Variants in DZANK1 observed in about 807,000 individuals in gnomAD.
DZANK1 encodes double zinc ribbon and ankyrin repeat-containing protein 1.
In DZANK1, 91 loss-of-function variants were observed where a neutral mutation model predicts 94.5. The ratio of observed to expected loss-of-function variants is 0.96; its 90% CI spans 0.81 to 1.15. DZANK1 has a LOEUF of 1.15. DZANK1 is among the 50% of genes most tolerant of loss of function. The probability of loss-of-function intolerance (pLI) is 0.00; values close to 1 mark genes in which losing one functional copy is unlikely to be tolerated. For synonymous variants in DZANK1, 312 were observed against 325.3 expected (o/e 0.96, Z 0.44); for missense variants, 903 against 916.4 (o/e 0.99, Z 0.19).
At chr20:18,457,731 G>C (rs1462470083) in intron 3 of DZANK1, among the ~76,000 whole-genome samples, 1 of 152,146 alleles carries the variant, frequency 6.6e-6, no homozygotes, top group East Asian at 1.9e-4. Context: ...CAATCTTAAA[G>C]TTGAACACAT....
At position 18,455,847 on chromosome 20, in the gene DZANK1, A is replaced by AGAAGCT; in HGVS notation, c.264-487_264-486insAGCTTC. Among the ~76,000 whole-genome samples the AGAAGCT allele has an allele frequency of 2.0e-5, 3 of 152,266 alleles. No homozygotes were observed. The South Asian group carries it at 6.2e-4, about 32-fold the overall frequency. On this transcript the variant is annotated intron_variant, in intron 3 of 20. Transcript: ENST00000262547. ...TGGTTAGCTTGGGCTTCCTCACAGT[A>AGAAGCT]TGGAAGCCTCAGGTAGTCAGACTTC... is the stretch of plus-strand genomic sequence containing the variant.
At chr20:18,426,652 A>G (rs1381327479) in intron 10 of DZANK1, among the ~76,000 whole-genome samples, 1 of 152,212 alleles carries the variant, frequency 6.6e-6, no homozygotes, top group Non-Finnish European at 1.5e-5. Context: ...AAACCCAAGA[A>G]ATAGGTGGCT....
At chr20:18,394,619 C>A in intron 15 of DZANK1, 1 of 634,152 alleles carries the variant, frequency 1.6e-6, no homozygotes, top group Non-Finnish European at 3.0e-6. Context: ...GGGACCATCA[C>A]AATAGCCTTT....
intron 13 of DZANK1, among the ~76,000 whole-genome samples, chr20:18,407,227 C>T (rs1028936050): frequency 2.0e-5 from 3 of 152,200 alleles, no homozygotes; most frequent in Non-Finnish European, 4.4e-5. Context: ...GTGCTTGCAT[C>T]ACCATACCCC....
At chr20:18,446,294 G>A (rs1218451632) in intron 7 of DZANK1, among the ~76,000 whole-genome samples, 1 of 151,930 alleles carries the variant, frequency 6.6e-6, no homozygotes, top group Non-Finnish European at 1.5e-5. Context: ...AGGGAGAGAG[G>A]GTGGGAAGGC....
At chr20:18,385,736 T>TCTTGGGAC (rs2048446378) in intron 19 of DZANK1, among the ~76,000 whole-genome samples, 2 of 152,122 alleles carry the variant, frequency 1.3e-5, no homozygotes, top group African/African-American at 4.8e-5. Context: ...GATAGTAGCT[T>TCTTGGGAC]CTCAGGGCTG....
Position 18,433,852 on chromosome 20 carries a change from G to A in DZANK1, c.748-87C>T, listed in dbSNP as rs149584144. The A allele has an allele frequency of 1.6e-3, 1,895 of 1,166,950 alleles. 24 individuals are homozygous for A. The Admixed American group carries it at 0.027, about 17-fold the overall frequency. 72.3% of individuals were successfully genotyped at this position (1,166,950 alleles called of 1,614,324 possible). On this transcript the variant is annotated intron_variant, in intron 8 of 20. Coordinates refer to ENST00000262547, the Ensembl canonical transcript of DZANK1. ...AGAATGTAAGGTTTGGTCTACAGCCGTACCACCCTGAACATTCCCGATCTC... is the reference window on the plus strand; with the variant it reads ...AGAATGTAAGGTTTGGTCTACAGCCATACCACCCTGAACATTCCCGATCTC...
chr20:18,414,551 T>A, intron 11 of DZANK1, 39 bp from the exon 12 acceptor site: 1 of 1,551,662 alleles, frequency 6.4e-7, no homozygotes. Flanking sequence ...ATTAGAGTTA[T>A]AATTTCCTCA....
chr20:18,458,976 C>T (rs907392521), intron 3 of DZANK1, among the ~76,000 whole-genome samples: 1 of 152,206 alleles, frequency 6.6e-6, no homozygotes, highest in Admixed American at 6.5e-5. Context: ...AGAATAGACA[C>T]TTAGTGGACA....
exon 13 of DZANK1, chr20:18,412,781 T>A (rs745994799): frequency 3.7e-6 from 6 of 1,613,862 alleles, no homozygotes; most frequent in Non-Finnish European, 4.2e-6. Flanking sequence ...ACAGTCTGTG[T>A]TCCTATGTCC....
intron 13 of DZANK1, among the ~76,000 whole-genome samples, chr20:18,408,219 G>A (rs1038411023): frequency 6.6e-6 from 1 of 152,172 alleles, no homozygotes; most frequent in Non-Finnish European, 1.5e-5. Flanking sequence ...GGGAGGCTGA[G>A]GCAGGAGAAT....
intron 6 of DZANK1, among the ~76,000 whole-genome samples, chr20:18,450,361 G>A (rs112480273): frequency 0.024 from 3,662 of 151,912 alleles, 161 homozygotes; most frequent in African/African-American, 0.085. Context: ...AAATAGTCTG[G>A]GCAACATAGT....
At chr20:18,456,528 G>C (rs6111971) in intron 3 of DZANK1, among the ~76,000 whole-genome samples, 3 of 152,172 alleles carry the variant, frequency 2.0e-5, no homozygotes, top group African/African-American at 7.2e-5. Context: ...GAAATATTTA[G>C]GACATTTCCA....
chr20:18,384,360 G>A, exon 21 of DZANK1: 1 of 1,571,934 alleles, frequency 6.4e-7, no homozygotes. Flanking sequence ...TGCCAGCCAT[G>A]CACGTATTCT....
chr20:18,402,647 C>A (rs560553409), intron 13 of DZANK1, among the ~76,000 whole-genome samples: 4 of 152,126 alleles, frequency 2.6e-5, no homozygotes, highest in Non-Finnish European at 5.9e-5. Context: ...TCAAGTCACC[C>A]GCTTGGCCTT....
exon 14 of DZANK1, chr20:18,398,623 T>C: frequency 6.2e-7 from 1 of 1,613,844 alleles, no homozygotes; most frequent in Non-Finnish European, 8.5e-7. Context: ...TCTTCTCCAG[T>C]ACCCTAAGAA....
chr20:18,445,713 C>G (rs181633930), intron 7 of DZANK1, among the ~76,000 whole-genome samples: 2 of 151,996 alleles, frequency 1.3e-5, no homozygotes, highest in Non-Finnish European at 2.9e-5. Context: ...CCAGCCTGGG[C>G]AACTTTGTGA....
At chr20:18,430,934 C>G (rs192754283) in intron 9 of DZANK1, among the ~76,000 whole-genome samples, 381 of 152,024 alleles carry the variant, frequency 2.5e-3, no homozygotes, top group Non-Finnish European at 4.5e-3. Context: ...AAAACCAAAC[C>G]AAACCAAATC....
At chr20:18,424,472 AAAAAAAAAAAAAGAAAAG>A in intron 10 of DZANK1, among the ~76,000 whole-genome samples, 2 of 148,404 alleles carry the variant, frequency 1.3e-5, no homozygotes, top group Admixed American at 1.3e-4. Context: ...ACAACAACAA[AAAAAAAAAAAAAGAAAAG>A]AAAAGAAAAA....
Sources: allele counts gnomAD v4.1 joint callset (sites outside exome capture counted in the v4.1 genomes callset), GRCh38; gene constraint gnomAD v4.1.1; transcripts MANE v1.5; gene names NCBI Gene and HGNC (gene_info 2026-07-23, HGNC 2026-07-21).